KSR2: variants seen among roughly 807,000 people sequenced by gnomAD.
KSR2 encodes kinase suppressor of ras 2.
A neutral mutation model predicts 107.8 loss-of-function variants in KSR2; 25 were observed. The ratio of observed to expected loss-of-function variants is 0.23; its 90% CI spans 0.17 to 0.32. The LOEUF (loss-of-function observed/expected upper bound fraction) is 0.32, where lower values mean the gene tolerates loss of function less well. KSR2 is among the 10% of genes least tolerant of loss of function. KSR2 has a pLI of 1.00. For missense variants in KSR2, 887 were observed against 1,268.9 expected, an observed-to-expected ratio of 0.70 and a Z score of 4.57; for synonymous variants, 480 against 507.0, an observed-to-expected ratio of 0.95 and a Z score of 0.71.
chr12:117,530,053 T>G (rs957674127), intron 12 of KSR2, among the ~76,000 whole-genome samples: 1 of 151,886 alleles, frequency 6.6e-6, no homozygotes. Context: ...AAACCAACAA[T>G]GTCTATGGAG....
At position 117,927,008 on chromosome 12, in the gene KSR2, C is replaced by T. The variant is rs142404092; in HGVS notation, c.180+41068G>A. On this transcript the variant is annotated intron_variant, in intron 1 of 19. Coordinates refer to ENST00000339824, the MANE Select transcript of KSR2 (RefSeq NM_173598.6). ...GTGCTTAGCTCAGTCTCTGGCACAC[C>T]GTTGGCACCCAATCACAACACTGAT... Among the ~76,000 whole-genome samples, 221 of 152,198 alleles carry T rather than the reference C, an allele frequency of 1.5e-3. 2 individuals carry two copies. The highest frequency in any genetic ancestry group is 4.9e-3 in the African/African-American group (202 of 41,524).
intron 4 of KSR2, among the ~76,000 whole-genome samples, chr12:117,759,631 A>G (rs1241145218): frequency 6.6e-6 from 1 of 152,136 alleles, no homozygotes; most frequent in Admixed American, 6.5e-5. Flanking sequence ...CCAATAAATA[A>G]CAACTCCCCA....
intron 5 of KSR2, among the ~76,000 whole-genome samples, chr12:117,605,354 TA>T: frequency 6.6e-6 from 1 of 152,256 alleles, no homozygotes; most frequent in Middle Eastern, 3.4e-3. Context: ...AGGGAGGATA[TA>T]CTGAGCTAAA....
chr12:117,476,318 C>T, intron 17 of KSR2, 146 bp downstream of exon 17: 2 of 882,430 alleles, frequency 2.3e-6, no homozygotes, highest in South Asian at 2.1e-5. Context: ...ATACCCTACT[C>T]AGGTTCCTCC....
At chr12:117,543,145 A>C (rs950914110) in intron 9 of KSR2, among the ~76,000 whole-genome samples, 15 of 152,364 alleles carry the variant, frequency 9.8e-5, no homozygotes, top group African/African-American at 3.6e-4. Flanking sequence ...AATGCTCAGA[A>C]GTGTAGTTTC....
At chr12:117,567,661 C>CAAA (rs57039581) in intron 7 of KSR2, among the ~76,000 whole-genome samples, 4,492 of 134,892 alleles carry the variant, frequency 0.033, 280 homozygotes, top group African/African-American at 0.11. Flanking sequence ...AGGCTTCTCG[C>CAAA]AAAAAAAAAA....
chr12:117,578,427 C>G (rs1322834855), intron 7 of KSR2, among the ~76,000 whole-genome samples: 1 of 151,898 alleles, frequency 6.6e-6, no homozygotes, highest in Non-Finnish European at 1.5e-5. Flanking sequence ...ATCCCAGTCT[C>G]TACTAAAATT....
At chr12:117,522,411 G>T (rs563411146) in intron 14 of KSR2, among the ~76,000 whole-genome samples, 1 of 152,234 alleles carries the variant, frequency 6.6e-6, no homozygotes, top group African/African-American at 2.4e-5. Context: ...GAGAAGGCCA[G>T]GGGTGGGGAA....
intron 1 of KSR2, among the ~76,000 whole-genome samples, chr12:117,864,779 C>G (rs1593318256): frequency 1.3e-5 from 2 of 152,148 alleles, no homozygotes; most frequent in African/African-American, 4.8e-5. Flanking sequence ...CAAATTTTCC[C>G]TTTTTACAAG....
At position 117,761,332 on chromosome 12, in the gene KSR2, G is replaced by A; in HGVS notation, c.665C>T (p.Thr222Ile). The A allele has an allele frequency of 6.4e-7, 1 of 1,570,728 alleles. No individual in the cohort carries two copies. Among genetic ancestry groups the A allele is most frequent in the Non-Finnish European group, 8.6e-7 (1 of 1,163,844 alleles). ...GTCCACGGTAAGCCTGTCCACGTGG[G>A]TGTACACAGGGGCCCCGGGAGTGGG... ...TSPTPGAPVY[T>I]HVDRLTVDAY... is the part of the protein sequence containing the mutation. Residue 222 changes from threonine (T) to isoleucine (I), a missense_variant, in exon 4 of 20, where the codon ACC becomes ATC. By Grantham distance (89) the Thr-to-Ile change is moderately conservative (BLOSUM62 -1). Around this residue, in one of 8 missense-constraint regions of KSR2, gnomAD observed 399 missense variants for 479.5 expected, o/e 0.83. Transcript: ENST00000339824.
At chr12:117,804,977 G>A (rs189393226) in intron 3 of KSR2, among the ~76,000 whole-genome samples, 147 of 152,242 alleles carry the variant, frequency 9.7e-4, no homozygotes, top group African/African-American at 3.4e-3. Flanking sequence ...CTCAGCATCC[G>A]TGGAAGCCAT....
intron 3 of KSR2, among the ~76,000 whole-genome samples, chr12:117,769,844 AG>A (rs1173173645): frequency 6.6e-6 from 1 of 152,156 alleles, no homozygotes. Flanking sequence ...ACCTGAGGTC[AG>A]GAGTTCAAGA....
chr12:117,825,830 G>C (rs1891722887), intron 3 of KSR2, among the ~76,000 whole-genome samples: 1 of 150,510 alleles, frequency 6.6e-6, no homozygotes, highest in South Asian at 2.1e-4. Flanking sequence ...TGGATAGATG[G>C]ATGGATGGGT....
intron 1 of KSR2, among the ~76,000 whole-genome samples, chr12:117,924,627 G>A (rs1474939519): frequency 6.8e-6 from 1 of 148,048 alleles, no homozygotes; most frequent in Non-Finnish European, 1.5e-5. Context: ...ATACGGGCAT[G>A]AAGGAAGAAG....
chr12:117,655,039 G>A (rs968223983), intron 5 of KSR2, among the ~76,000 whole-genome samples: 18 of 152,304 alleles, frequency 1.2e-4, no homozygotes, highest in African/African-American at 3.6e-4. Flanking sequence ...CTGAGCCCTC[G>A]ATATGTCACC....
rs144373243 is a variant in KSR2, at chr12:117,549,498, T to A, written c.1518+5671A>T. 2.8e-4 allele frequency among the ~76,000 whole-genome samples: 42 copies of A among 152,214 alleles called. No homozygotes were observed. In the East Asian group the frequency reaches 7.5e-3, roughly 27 times the overall value. On this transcript the variant is annotated intron_variant, in intron 9 of 19. Coordinates refer to ENST00000339824, the MANE Select transcript of KSR2 (RefSeq NM_173598.6). Reference sequence around the variant, plus strand: ...GACATTTGTCAGCTTATCTGTCTCATCCTCTAGACTAGGCACTCCCTGAGA... The same window carrying A: ...GACATTTGTCAGCTTATCTGTCTCAACCTCTAGACTAGGCACTCCCTGAGA...
chr12:117,746,362 G>A (rs1284741230), intron 4 of KSR2, among the ~76,000 whole-genome samples: 2 of 152,078 alleles, frequency 1.3e-5, no homozygotes. Context: ...ATGGTACTAG[G>A]AAAACTGGCT....
rs1487425191 is a variant in KSR2, at chr12:117,778,181, C to A, written c.473-16657G>T. Among the ~76,000 whole-genome samples the A allele has an allele frequency of 4.6e-5, 7 of 152,192 alleles. No homozygotes were observed. The East Asian group carries it at 1.3e-3, about 29-fold the overall frequency. ...GTCCAAGCACCATCTCAGCTGACTG[C>A]AACCTCCACCTCCTGGCTCATGCCT... On this transcript the variant is annotated intron_variant, in intron 3 of 19. Transcript: ENST00000339824.
chr12:117,710,517 G>A (rs1486308830), intron 4 of KSR2, among the ~76,000 whole-genome samples: 1 of 152,132 alleles, frequency 6.6e-6, no homozygotes, highest in Admixed American at 6.5e-5. Context: ...GGAGCAGAGG[G>A]TAAACAGAGG....
Sources: allele counts gnomAD v4.1 joint callset (sites outside exome capture counted in the v4.1 genomes callset), GRCh38; gene constraint gnomAD v4.1.1; regional missense constraint gnomAD v4.1.1; transcripts MANE v1.5; gene names NCBI Gene and HGNC (gene_info 2026-07-23, HGNC 2026-07-21).